PRR16: variants seen among roughly 807,000 people sequenced by gnomAD.
The protein encoded by PRR16 is proline rich 16.
A neutral mutation model predicts 18.2 loss-of-function variants in PRR16; 6 were observed. The ratio of observed to expected loss-of-function variants is 0.33; its 90% CI spans 0.18 to 0.65. PRR16 has a LOEUF of 0.65. PRR16 is among the 30% of genes least tolerant of loss of function. The pLI, the probability that PRR16 is intolerant of heterozygous loss-of-function variation, is 0.74. For missense variants in PRR16, 412 were observed against 376.6 expected, an observed-to-expected ratio of 1.09 and a Z score of -0.78; for synonymous variants, 151 against 147.8, an observed-to-expected ratio of 1.02 and a Z score of -0.16.
intron 1 of PRR16, among the ~76,000 whole-genome samples, chr5:120,650,329 T>A (rs984415053): frequency 6.6e-6 from 1 of 151,846 alleles, no homozygotes; most frequent in Non-Finnish European, 1.5e-5. Context: ...TTTTCTTTTT[T>A]CTTTTTTTTT....
chr5:120,681,971 T>C (rs1756987638), intron 1 of PRR16, among the ~76,000 whole-genome samples: 4 of 152,230 alleles, frequency 2.6e-5, no homozygotes, highest in African/African-American at 9.6e-5. Context: ...TAGAGGACAC[T>C]TCAGTTCTGA....
chr5:120,643,293 T>A (rs1337796884), intron 1 of PRR16, among the ~76,000 whole-genome samples: 1 of 152,058 alleles, frequency 6.6e-6, no homozygotes, highest in African/African-American at 2.4e-5. Flanking sequence ...TATTATGAGT[T>A]AAGTCGTTTG....
intron 1 of PRR16, among the ~76,000 whole-genome samples, chr5:120,489,943 T>G (rs2112824705): frequency 6.6e-6 from 1 of 152,338 alleles, no homozygotes; most frequent in South Asian, 2.1e-4. Context: ...AATTCTGGGT[T>G]GAAAATTCTT....
At chr5:120,784,751 A>G in the PRR16 span, among the ~76,000 whole-genome samples, 1 of 152,088 alleles carries the variant, frequency 6.6e-6, no homozygotes. Flanking sequence ...CTTTTGCTCA[A>G]CTCTCTATTA....
chr5:120,571,271 TATGA>T (rs1580737164), intron 1 of PRR16, among the ~76,000 whole-genome samples: 1 of 152,194 alleles, frequency 6.6e-6, no homozygotes, highest in Non-Finnish European at 1.5e-5. Flanking sequence ...GCAGTGTGTT[TATGA>T]GTGAGCCATG....
At chr5:120,647,275 A>G (rs1260821945) in intron 1 of PRR16, among the ~76,000 whole-genome samples, 1 of 151,968 alleles carries the variant, frequency 6.6e-6, no homozygotes, top group Non-Finnish European at 1.5e-5. Context: ...GGCTTTAACC[A>G]TATATTTGTA....
intron 1 of PRR16, among the ~76,000 whole-genome samples, chr5:120,609,479 G>A (rs570363416): frequency 6.6e-6 from 1 of 152,042 alleles, no homozygotes; most frequent in African/African-American, 2.4e-5. Flanking sequence ...AAATTGTTTT[G>A]AGATCATTGC....
intron 1 of PRR16, among the ~76,000 whole-genome samples, chr5:120,647,377 A>C (rs950310421): frequency 1.3e-4 from 20 of 150,720 alleles, no homozygotes; most frequent in African/African-American, 4.8e-4. Context: ...AAACCTGCTT[A>C]ATTTTTTAAG....
intron 1 of PRR16, among the ~76,000 whole-genome samples, chr5:120,468,450 T>A (rs897116429): frequency 6.6e-6 from 1 of 152,136 alleles, no homozygotes; most frequent in Non-Finnish European, 1.5e-5. Flanking sequence ...GAGTAATCCA[T>A]GTTGCATTTT....
intron 1 of PRR16, among the ~76,000 whole-genome samples, chr5:120,677,287 C>T (rs1368721339): frequency 6.6e-6 from 1 of 152,170 alleles, no homozygotes; most frequent in African/African-American, 2.4e-5. Context: ...AATATCCTCA[C>T]TGTTGACTTC....
At chr5:120,758,569 G>C in the PRR16 span, among the ~76,000 whole-genome samples, 1 of 152,108 alleles carries the variant, frequency 6.6e-6, no homozygotes, top group African/African-American at 2.4e-5. Context: ...GGATTATGGA[G>C]GAAGTTTTCT....
At chr5:120,754,870 C>T in the PRR16 span, among the ~76,000 whole-genome samples, 1 of 150,898 alleles carries the variant, frequency 6.6e-6, no homozygotes, top group Non-Finnish European at 1.5e-5. Context: ...TAGTCAGAAA[C>T]CATGAGGTAT....
chr5:120,521,295 G>A (rs2112652242), intron 1 of PRR16, among the ~76,000 whole-genome samples: 1 of 151,924 alleles, frequency 6.6e-6, no homozygotes, highest in East Asian at 1.9e-4. Flanking sequence ...TTCATGAAAT[G>A]GATTAGAATA....
the PRR16 span, among the ~76,000 whole-genome samples, chr5:120,762,422 T>C: frequency 1.3e-5 from 2 of 152,082 alleles, no homozygotes; most frequent in Admixed American, 1.3e-4. Flanking sequence ...TAATATATTA[T>C]TGTGATTGTT....
the PRR16 span, among the ~76,000 whole-genome samples, chr5:120,737,307 G>GTTTTTT: frequency 2.0e-5 from 1 of 51,100 alleles, no homozygotes; most frequent in African/African-American, 6.7e-5. Context: ...AGTTTGTTGA[G>GTTTTTT]TTTTTTTTTT....
At chr5:120,681,487 A>G (rs535749634) in intron 1 of PRR16, among the ~76,000 whole-genome samples, 1 of 152,230 alleles carries the variant, frequency 6.6e-6, no homozygotes, top group Admixed American at 6.5e-5. Flanking sequence ...CATTTTTCTT[A>G]CCCTGTCCCA....
chr5:120,583,132 A>C (rs1294333056), intron 1 of PRR16, among the ~76,000 whole-genome samples: 1 of 152,234 alleles, frequency 6.6e-6, no homozygotes, highest in Non-Finnish European at 1.5e-5. Context: ...TTAGAGGGTC[A>C]GCCAAGCTAA....
chr5:120,738,250 G>T, the PRR16 span, among the ~76,000 whole-genome samples: 1 of 151,980 alleles, frequency 6.6e-6, no homozygotes. Flanking sequence ...GGGGCTCGTG[G>T]GTATAGCTGT....
At chr5:120,677,326 T>A (rs1333360805) in intron 1 of PRR16, among the ~76,000 whole-genome samples, 2 of 152,184 alleles carry the variant, frequency 1.3e-5, no homozygotes, top group Admixed American at 6.5e-5. Flanking sequence ...TCTGTTAGGC[T>A]TATATGAGGG....
Sources: gnomAD v4.1 joint callset for allele counts (sites outside exome capture counted in the v4.1 genomes callset) on GRCh38, gnomAD v4.1.1 for gene constraint, MANE v1.5 for transcripts, NCBI Gene and HGNC (gene_info 2026-07-23, HGNC 2026-07-21) for gene names.